DSCAML1: variants seen among roughly 807,000 people sequenced by gnomAD.
DSCAML1 encodes the protein DS cell adhesion molecule like 1.
DSCAML1 carries 38 observed loss-of-function variants against 200.5 expected under a neutral mutation model. The ratio of observed to expected loss-of-function variants is 0.19; its 90% confidence interval spans 0.15 to 0.25. The LOEUF (loss-of-function observed/expected upper bound fraction) is 0.25, where lower values mean the gene tolerates loss of function less well. Ranked by LOEUF, DSCAML1 falls within the 10% of genes least tolerant of loss-of-function variation. The pLI is 1.00. For missense variants in DSCAML1, 2,223 were observed against 2,858.8 expected, an observed-to-expected ratio of 0.78 and a Z score of 5.07; for synonymous variants, 1,215 against 1,165.0, an observed-to-expected ratio of 1.04 and a Z score of -0.87.
At chr11:117,703,228 T>A in intron 3 of DSCAML1, among the ~76,000 whole-genome samples, 1 of 152,170 alleles carries the variant, frequency 6.6e-6, no homozygotes, top group East Asian at 1.9e-4. Context: ...AGTCTCCAAA[T>A]CTCAATTACC....
At chr11:117,729,877 G>A (rs2054190793) in intron 3 of DSCAML1, among the ~76,000 whole-genome samples, 1 of 152,210 alleles carries the variant, frequency 6.6e-6, no homozygotes, top group Non-Finnish European at 1.5e-5. Flanking sequence ...TTATCCAAGT[G>A]GGCCCAATGT....
chr11:117,507,810 G>A (rs896321220), intron 8 of DSCAML1, among the ~76,000 whole-genome samples: 1 of 152,154 alleles, frequency 6.6e-6, no homozygotes, highest in East Asian at 1.9e-4. Context: ...CAGCTTTTCC[G>A]GGGTTCTGGT....
At chr11:117,620,463 AC>A (rs2051905892) in intron 3 of DSCAML1, among the ~76,000 whole-genome samples, 1 of 152,076 alleles carries the variant, frequency 6.6e-6, no homozygotes, top group African/African-American at 2.4e-5. Flanking sequence ...CAGCCAACCA[AC>A]TGCTCCACTT....
chr11:117,732,815 T>G (rs1565900281), intron 3 of DSCAML1, among the ~76,000 whole-genome samples: 1 of 152,058 alleles, frequency 6.6e-6, no homozygotes, highest in Non-Finnish European at 1.5e-5. Context: ...ATTATTATTA[T>G]TATTGCATGT....
At chr11:117,787,283 GC>G (rs1359921425) in intron 1 of DSCAML1, among the ~76,000 whole-genome samples, 2 of 152,194 alleles carry the variant, frequency 1.3e-5, no homozygotes, top group Non-Finnish European at 2.9e-5. Flanking sequence ...GACAGTTTCT[GC>G]TTTATGTAAG....
At position 117,434,970 on chromosome 11, in the gene DSCAML1, G is replaced by A. The variant is rs75574562; in HGVS notation, c.4876+674C>T. ...ACATTAGATGATAAACTCTGTAAGAGTATGGCTTGGCCGTTCTTTATTGAT... is the reference window on the plus strand; with the variant it reads ...ACATTAGATGATAAACTCTGTAAGAATATGGCTTGGCCGTTCTTTATTGAT... On this transcript the variant is annotated intron_variant, in intron 27 of 32. Transcript: ENST00000651296. 7.2e-3 allele frequency among the ~76,000 whole-genome samples: 1,098 copies of A among 152,318 alleles called. 7 individuals are homozygous for A. Among genetic ancestry groups the A allele is most frequent in the South Asian group, 0.013 (62 of 4,830 alleles).
intron 19 of DSCAML1, among the ~76,000 whole-genome samples, chr11:117,454,312 A>C (rs1217774496): frequency 1.3e-5 from 2 of 152,160 alleles, no homozygotes; most frequent in African/African-American, 4.8e-5. Context: ...TACACACTGA[A>C]GTTTAATGTT....
intron 3 of DSCAML1, among the ~76,000 whole-genome samples, chr11:117,586,287 C>T (rs1386883712): frequency 7.8e-5 from 11 of 140,388 alleles, no homozygotes; most frequent in Non-Finnish European, 1.6e-5. Flanking sequence ...ATGGCTTGCA[C>T]TCTATGGGAG....
chr11:117,804,329 G>A (rs2055690918), intron 1 of DSCAML1, among the ~76,000 whole-genome samples: 1 of 152,220 alleles, frequency 6.6e-6, no homozygotes, highest in Non-Finnish European at 1.5e-5. Flanking sequence ...CGACCCAACA[G>A]GTGTCAACTC....
intron 3 of DSCAML1, among the ~76,000 whole-genome samples, chr11:117,753,527 C>T (rs553245322): frequency 5.3e-5 from 8 of 152,328 alleles, no homozygotes; most frequent in Admixed American, 2.0e-4. Flanking sequence ...CACAAGGCCA[C>T]GTATTAGTGT....
intron 11 of DSCAML1, among the ~76,000 whole-genome samples, chr11:117,495,929 C>G (rs1374264355): frequency 6.6e-6 from 1 of 152,222 alleles, no homozygotes; most frequent in Non-Finnish European, 1.5e-5. Flanking sequence ...CAGAACCATA[C>G]TTCCCATTCC....
intron 1 of DSCAML1, among the ~76,000 whole-genome samples, chr11:117,806,089 T>C (rs2055705177): frequency 6.6e-6 from 1 of 152,208 alleles, no homozygotes; most frequent in Non-Finnish European, 1.5e-5. Flanking sequence ...CACTCCATCC[T>C]CAGTACCCAA....
intron 1 of DSCAML1, among the ~76,000 whole-genome samples, chr11:117,812,631 CA>C (rs2055770712): frequency 6.6e-6 from 1 of 151,868 alleles, no homozygotes; most frequent in Non-Finnish European, 1.5e-5. Flanking sequence ...TGTACTGCCA[CA>C]AGGCTTCACA....
chr11:117,581,280 T>C (rs533497073), intron 3 of DSCAML1, among the ~76,000 whole-genome samples: 2 of 152,348 alleles, frequency 1.3e-5, no homozygotes, highest in South Asian at 4.1e-4. Context: ...GGCTTTTACA[T>C]GAATGTATTA....
At chr11:117,514,583 T>TC (rs1330491508) in intron 8 of DSCAML1, among the ~76,000 whole-genome samples, 8 of 130,364 alleles carry the variant, frequency 6.1e-5, no homozygotes, top group African/African-American at 2.4e-4. Context: ...TTTTTTTTTT[T>TC]TTTTTTTTTT....
chr11:117,469,623 C>T lies in DSCAML1; in HGVS notation c.3024+287G>A, dbSNP rs896081114. Among the ~76,000 whole-genome samples the T allele has an allele frequency of 8.5e-5, 13 of 152,116 alleles. No homozygotes were observed. The highest frequency in any genetic ancestry group is 1.7e-4 in the African/African-American group (7 of 41,418). ...GGTTTGGACGACGGGCCAGCACCAC[C>T]GAGGAACCATCTTCCCTCCTTGGCA... On this transcript the variant is annotated intron_variant, in intron 16 of 32. Transcript: ENST00000651296. This position sits in a 1 kb window ranked among gnomAD's most constrained non-coding sequence, Gnocchi z 4.1.
intron 3 of DSCAML1, among the ~76,000 whole-genome samples, chr11:117,639,618 C>T (rs940624180): frequency 2.6e-5 from 4 of 152,094 alleles, no homozygotes; most frequent in East Asian, 3.9e-4. Context: ...AGAGGTCCCC[C>T]ATCCTTGGAG....
At chr11:117,512,049 C>T (rs1479735367) in intron 8 of DSCAML1, among the ~76,000 whole-genome samples, 1 of 152,246 alleles carries the variant, frequency 6.6e-6, no homozygotes, top group Non-Finnish European at 1.5e-5. Context: ...TTTTCCGGCT[C>T]ATGGAGCAGC....
intron 3 of DSCAML1, among the ~76,000 whole-genome samples, chr11:117,607,363 G>C (rs2051587877): frequency 6.6e-6 from 1 of 152,214 alleles, no homozygotes; most frequent in South Asian, 2.1e-4. Context: ...AAAGTACTAT[G>C]TGTAGGTCTA....
Sources: gnomAD v4.1 joint callset for allele counts (sites outside exome capture counted in the v4.1 genomes callset) on GRCh38, gnomAD v4.1.1 for gene constraint, Gnocchi (gnomAD v3.1) non-coding constraint, MANE v1.5 for transcripts, NCBI Gene and HGNC (gene_info 2026-07-23, HGNC 2026-07-21) for gene names.